The following MINDY4 variants were observed in gnomAD, a reference collection of about 807,000 sequenced individuals.
The protein encoded by MINDY4 is MINDY lysine 48 deubiquitinase 4.
MINDY4 carries 68 observed loss-of-function variants against 87.0 expected under a neutral mutation model. That is an observed-to-expected ratio of 0.78 (90% CI 0.64 to 0.96). The LOEUF (loss-of-function observed/expected upper bound fraction) is 0.96, where lower values mean the gene tolerates loss of function less well. Ranked by LOEUF, MINDY4 falls within the 40% of genes least tolerant of loss-of-function variation. The pLI is 0.00. For missense variants in MINDY4, 919 were observed against 928.2 expected (o/e 0.99, Z 0.13); for synonymous variants, 379 against 363.2 (o/e 1.04, Z -0.50).
chr7:30,783,015 A>G (rs1447691868), intron 3 of MINDY4, among the ~76,000 whole-genome samples: 1 of 152,208 alleles, frequency 6.6e-6, no homozygotes, highest in African/African-American at 2.4e-5. Flanking sequence ...ACAATTGGGT[A>G]CCATAGCCTA....
intron 6 of MINDY4, among the ~76,000 whole-genome samples, chr7:30,835,550 T>C (rs1232309994): frequency 6.6e-6 from 1 of 152,252 alleles, no homozygotes; most frequent in African/African-American, 2.4e-5. Flanking sequence ...GTAGAATCTA[T>C]GTGCTTGTTC....
At chr7:30,789,454 G>T (rs576405180) in intron 4 of MINDY4, among the ~76,000 whole-genome samples, 1 of 152,298 alleles carries the variant, frequency 6.6e-6, no homozygotes, top group African/African-American at 2.4e-5. Flanking sequence ...TGGTTGCTCA[G>T]GAGAAAAGCT....
chr7:30,826,847 G>A (rs1484681934), intron 5 of MINDY4, among the ~76,000 whole-genome samples: 1 of 152,182 alleles, frequency 6.6e-6, no homozygotes, highest in East Asian at 1.9e-4. Flanking sequence ...TTAGCACAGT[G>A]TGTGGAACGG....
At chr7:30,839,839 G>T (rs1187667526) in intron 8 of MINDY4, among the ~76,000 whole-genome samples, 1 of 152,124 alleles carries the variant, frequency 6.6e-6, no homozygotes, top group Non-Finnish European at 1.5e-5. Context: ...GGCCAGCGGA[G>T]GCCAATGGTT....
chr7:30,801,125 G>A (rs1787638072), intron 5 of MINDY4, among the ~76,000 whole-genome samples: 1 of 152,154 alleles, frequency 6.6e-6, no homozygotes, highest in South Asian at 2.1e-4. Flanking sequence ...TCCTGAGGGG[G>A]AATGAATTGT....
intron 5 of MINDY4, 127 bp downstream of exon 5, chr7:30,791,701 G>A (rs1460846268): frequency 5.8e-6 from 6 of 1,038,286 alleles, no homozygotes; most frequent in Non-Finnish European, 8.1e-6. Flanking sequence ...AGCCTGCGAA[G>A]TAACCGGCAA....
intron 14 of MINDY4, among the ~76,000 whole-genome samples, chr7:30,874,446 G>A (rs1283765175): frequency 6.6e-6 from 1 of 152,218 alleles, no homozygotes; most frequent in East Asian, 1.9e-4. Flanking sequence ...CCATTCCTAA[G>A]AGGAGGTTGG....
intron 5 of MINDY4, among the ~76,000 whole-genome samples, chr7:30,815,544 G>T (rs1788122666): frequency 6.6e-6 from 1 of 152,254 alleles, no homozygotes; most frequent in Non-Finnish European, 1.5e-5. Flanking sequence ...AGGGGTGGAG[G>T]TGAGACCAAG....
At chr7:30,889,596 A>G (rs570558449) in intron 17 of MINDY4, among the ~76,000 whole-genome samples, 1 of 152,354 alleles carries the variant, frequency 6.6e-6, no homozygotes, top group African/African-American at 2.4e-5. Flanking sequence ...GAACGCTCTG[A>G]TATGGATAAA....
At chr7:30,844,226 T>G (rs978022646) in intron 9 of MINDY4, among the ~76,000 whole-genome samples, 1 of 152,114 alleles carries the variant, frequency 6.6e-6, no homozygotes, top group African/African-American at 2.4e-5. Context: ...TCAGGGGACA[T>G]TCTTCAGACT....
At chr7:30,817,296 AC>A (rs1234331646) in intron 5 of MINDY4, among the ~76,000 whole-genome samples, 4 of 152,050 alleles carry the variant, frequency 2.6e-5, no homozygotes, top group Non-Finnish European at 5.9e-5. Context: ...GCTACAGGAA[AC>A]CAAAGAAAAA....
intron 13 of MINDY4, among the ~76,000 whole-genome samples, chr7:30,862,963 C>T (rs1269320057): frequency 6.6e-6 from 1 of 152,112 alleles, no homozygotes; most frequent in Non-Finnish European, 1.5e-5. Flanking sequence ...TTGATTAGAG[C>T]GGCAGAGGTG....
At chr7:30,863,804 A>C (rs1789844786) in intron 13 of MINDY4, among the ~76,000 whole-genome samples, 2 of 152,190 alleles carry the variant, frequency 1.3e-5, no homozygotes, top group Admixed American at 6.5e-5. Flanking sequence ...ACTTGATTTC[A>C]AGCCGTTTAT....
chr7:30,830,150 A>C (rs550935219), intron 6 of MINDY4, among the ~76,000 whole-genome samples: 10 of 152,338 alleles, frequency 6.6e-5, no homozygotes, highest in Admixed American at 5.2e-4. Flanking sequence ...CCTCCACCCC[A>C]GTTCATTTTA....
At chr7:30,841,139 G>A (rs1270371936) in intron 9 of MINDY4, among the ~76,000 whole-genome samples, 2 of 152,100 alleles carry the variant, frequency 1.3e-5, no homozygotes, top group Non-Finnish European at 2.9e-5. Flanking sequence ...CAAGCTGCCC[G>A]AATCCCTTCC....
At chr7:30,778,654 T>C in intron 2 of MINDY4, 103 bp downstream of exon 2, 2 of 1,375,658 alleles carry the variant, frequency 1.5e-6, no homozygotes, top group Admixed American at 3.5e-5. Flanking sequence ...GAGGTTCTCC[T>C]GGCCTGTCAC....
At chr7:30,856,815 G>A (rs1789585155) in intron 12 of MINDY4, among the ~76,000 whole-genome samples, 1 of 151,666 alleles carries the variant, frequency 6.6e-6, no homozygotes, top group South Asian at 2.1e-4. Flanking sequence ...TGCAGAGCTG[G>A]TACAAGGGAC....
intron 15 of MINDY4, among the ~76,000 whole-genome samples, chr7:30,881,288 T>C (rs1268282810): frequency 6.6e-6 from 1 of 152,200 alleles, no homozygotes; most frequent in Admixed American, 6.5e-5. Flanking sequence ...GTCAAGATGC[T>C]AGCAACGTGC....
intron 5 of MINDY4, among the ~76,000 whole-genome samples, chr7:30,817,041 A>G (rs1267667223): frequency 6.6e-6 from 1 of 152,176 alleles, no homozygotes; most frequent in East Asian, 1.9e-4. Context: ...CATGTTCTTT[A>G]TGGCTTAATT....
Sources: allele counts gnomAD v4.1 joint callset (sites outside exome capture counted in the v4.1 genomes callset), GRCh38; gene constraint gnomAD v4.1.1; transcripts MANE v1.5; gene names NCBI Gene and HGNC (gene_info 2026-07-23, HGNC 2026-07-21).